ROBO1: variants seen among roughly 807,000 people sequenced by gnomAD.
The protein encoded by ROBO1 is roundabout guidance receptor 1, also known as roundabout homolog 1.
Under a neutral mutation model 195.9 loss-of-function variants are expected in ROBO1, and 149 were observed. The ratio of observed to expected loss-of-function variants is 0.76; its 90% CI spans 0.67 to 0.87. The LOEUF (loss-of-function observed/expected upper bound fraction) is 0.87, where lower values mean the gene tolerates loss of function less well. ROBO1 is among the 40% of genes least tolerant of loss of function. The pLI, the probability that ROBO1 is intolerant of heterozygous loss-of-function variation, is 0.00. For synonymous variants in ROBO1, 816 were observed against 733.2 expected, an observed-to-expected ratio of 1.11 and a Z score of -1.82; for missense variants, 1,933 against 2,068.3, an observed-to-expected ratio of 0.93 and a Z score of 1.27.
chr3:79,444,461 A>G (rs909363822), intron 2 of ROBO1, among the ~76,000 whole-genome samples: 1 of 152,110 alleles, frequency 6.6e-6, no homozygotes, highest in Non-Finnish European at 1.5e-5. Context: ...AGCTAATATT[A>G]AAGTGTTTGC....
intron 1 of ROBO1, among the ~76,000 whole-genome samples, chr3:79,714,902 A>G (rs13062828): frequency 0.91 from 135,444 of 148,856 alleles, 61,816 homozygotes; most frequent in African/African-American, 0.98. Flanking sequence ...AATGCTAAAT[A>G]ATGAGTTAAT....
intron 4 of ROBO1, among the ~76,000 whole-genome samples, chr3:78,927,271 C>T (rs1363855838): frequency 6.6e-6 from 1 of 152,198 alleles, no homozygotes; most frequent in Non-Finnish European, 1.5e-5. Context: ...CAGAACAGTA[C>T]ATTCTATTCT....
intron 2 of ROBO1, among the ~76,000 whole-genome samples, chr3:79,290,438 T>G (rs1159782764): frequency 1.5e-4 from 23 of 152,142 alleles, no homozygotes; most frequent in Admixed American, 1.5e-3. Context: ...CTCTCTTTCA[T>G]TTAATCAACA....
At chr3:79,366,157 T>G (rs1474932782) in intron 2 of ROBO1, among the ~76,000 whole-genome samples, 4 of 152,146 alleles carry the variant, frequency 2.6e-5, no homozygotes, top group Non-Finnish European at 4.4e-5. Context: ...CTCAGTTTTC[T>G]TACCTGTACA....
chr3:79,013,793 TA>T, intron 3 of ROBO1, among the ~76,000 whole-genome samples: 1 of 152,306 alleles, frequency 6.6e-6, no homozygotes, highest in East Asian at 1.9e-4. Context: ...TTAAATAAGA[TA>T]ATGGTGAGTG....
intron 2 of ROBO1, among the ~76,000 whole-genome samples, chr3:79,513,245 A>G (rs1315679742): frequency 6.6e-6 from 1 of 152,180 alleles, no homozygotes; most frequent in Non-Finnish European, 1.5e-5. Flanking sequence ...ATGTAATAAA[A>G]TGTAATATAT....
chr3:79,502,768 G>C (rs905972354), intron 2 of ROBO1, among the ~76,000 whole-genome samples: 5 of 149,886 alleles, frequency 3.3e-5, no homozygotes, highest in Non-Finnish European at 6.0e-5. Flanking sequence ...CTAGCTCAGG[G>C]TTTGTGAATA....
intron 4 of ROBO1, among the ~76,000 whole-genome samples, chr3:78,819,787 G>C (rs1213029465): frequency 6.6e-6 from 1 of 152,024 alleles, no homozygotes; most frequent in Non-Finnish European, 1.5e-5. Context: ...AAAATTTTAT[G>C]TCAGTTTTTC....
intron 27 of ROBO1, among the ~76,000 whole-genome samples, chr3:78,615,054 T>C (rs1704034509): frequency 6.6e-6 from 1 of 152,172 alleles, no homozygotes; most frequent in Non-Finnish European, 1.5e-5. Context: ...TCTGTTAAAG[T>C]TCATGATACC....
chr3:79,402,820 T>G (rs1368989464), intron 2 of ROBO1, among the ~76,000 whole-genome samples: 1 of 151,968 alleles, frequency 6.6e-6, no homozygotes, highest in African/African-American at 2.4e-5. Context: ...TGGGGTTAGC[T>G]TGACCCATTA....
At chr3:79,512,863 A>G (rs1277674076) in intron 2 of ROBO1, 2 of 152,198 alleles carry the variant, frequency 1.3e-5, no homozygotes, top group Non-Finnish European at 2.9e-5. Flanking sequence ...TTTCTTCCAT[A>G]ATGCAGAAAG....
chr3:79,160,234 A>ATGTG (rs142663481), intron 2 of ROBO1, among the ~76,000 whole-genome samples: 3,891 of 148,364 alleles, frequency 0.026, 138 homozygotes, highest in African/African-American at 0.085. Context: ...CTTTAAAAAA[A>ATGTG]TGTGTGTGTG....
intron 3 of ROBO1, among the ~76,000 whole-genome samples, chr3:78,996,694 ATG>A (rs1358445309): frequency 1.3e-5 from 2 of 152,026 alleles, no homozygotes; most frequent in East Asian, 3.9e-4. Flanking sequence ...AAACACACAC[ATG>A]CACACATACA....
intron 2 of ROBO1, among the ~76,000 whole-genome samples, chr3:79,172,442 C>T (rs991425554): frequency 2.6e-5 from 4 of 152,124 alleles, no homozygotes; most frequent in African/African-American, 9.7e-5. Context: ...GGGAGAATTC[C>T]TGGAAAGTTG....
chr3:79,737,423 G>A (rs1703435114), intron 1 of ROBO1, among the ~76,000 whole-genome samples: 1 of 152,042 alleles, frequency 6.6e-6, no homozygotes, highest in South Asian at 2.1e-4. Context: ...GAAGCAAGAA[G>A]ACAAAAATTA....
intron 4 of ROBO1, among the ~76,000 whole-genome samples, chr3:78,918,578 C>T (rs533202669): frequency 1.3e-5 from 2 of 152,034 alleles, no homozygotes; most frequent in East Asian, 1.9e-4. Flanking sequence ...GTGTTTTATA[C>T]TCTTTAGGGT....
intron 3 of ROBO1, among the ~76,000 whole-genome samples, chr3:78,950,518 G>T (rs542861267): frequency 4.0e-5 from 4 of 99,004 alleles, no homozygotes; most frequent in Admixed American, 1.5e-4. Context: ...TTGTGGGGTG[G>T]GGGGAGGGGG....
Position 79,161,999 on chromosome 3 carries a change from G to A in ROBO1, c.89-36460C>T, listed in dbSNP as rs1386344664. ...CACCATGGAGGTGACTTTAATGGAG[G>A]AAAAATAAATTTAGTTGAGTAATTT... On this transcript the variant is annotated intron_variant, in intron 2 of 30. Transcript: ENST00000464233. 2.6e-5 allele frequency among the ~76,000 whole-genome samples: 4 copies of A among 152,078 alleles called. No homozygotes were observed. In the East Asian group the frequency reaches 7.7e-4, roughly 29 times the overall value.
At chr3:79,506,016 A>C (rs1940371553) in intron 2 of ROBO1, among the ~76,000 whole-genome samples, 1 of 152,206 alleles carries the variant, frequency 6.6e-6, no homozygotes, top group Non-Finnish European at 1.5e-5. Context: ...AACTATATTA[A>C]GAGGGTTAAT....
Sources: gnomAD v4.1 joint callset for allele counts (sites outside exome capture counted in the v4.1 genomes callset) on GRCh38, gnomAD v4.1.1 for gene constraint, MANE v1.5 for transcripts, NCBI Gene and HGNC (gene_info 2026-07-23, HGNC 2026-07-21) for gene names.